Variants in AK9 observed in about 807,000 individuals in gnomAD.
The protein encoded by AK9 is adenylate kinase 9.
AK9 carries 191 observed loss-of-function variants against 239.6 expected under a neutral mutation model. The ratio of observed to expected loss-of-function variants is 0.80; its 90% CI spans 0.71 to 0.90. The LOEUF is 0.90. Ranked by LOEUF, AK9 falls within the 40% of genes least tolerant of loss-of-function variation. AK9 has a pLI of 0.00. For missense variants in AK9, 1,995 were observed against 2,214.7 expected (o/e 0.90, Z 1.99); for synonymous variants, 689 against 721.0 (o/e 0.96, Z 0.71).
At chr6:109,547,814 A>C (rs189294319) in intron 25 of AK9, among the ~76,000 whole-genome samples, 16 of 150,720 alleles carry the variant, frequency 1.1e-4, no homozygotes, top group Non-Finnish European at 1.8e-4. Context: ...ATTAATAACC[A>C]GAATATATAA....
chr6:109,578,701 A>C (rs1227837890), intron 20 of AK9, among the ~76,000 whole-genome samples: 1 of 151,990 alleles, frequency 6.6e-6, no homozygotes. Context: ...ACCTCTTTGG[A>C]CCACTTTTGC....
chr6:109,530,550 C>A (rs1034507174), intron 28 of AK9, among the ~76,000 whole-genome samples: 1 of 152,100 alleles, frequency 6.6e-6, no homozygotes, highest in African/African-American at 2.4e-5. Context: ...CACTGTATTA[C>A]CAAAAAATTG....
chr6:109,543,669 A>T (rs1783172092), intron 26 of AK9, among the ~76,000 whole-genome samples: 1 of 151,958 alleles, frequency 6.6e-6, no homozygotes, highest in Non-Finnish European at 1.5e-5. Flanking sequence ...GCTGGTCTTG[A>T]ACTCCTGACC....
rs1232837575 is a variant in AK9 at position 109,675,632 on chromosome 6, T to G, written c.114A>C (p.Lys38Asn). The change falls in exon 2 of 41, where the codon AAA becomes AAC. Residue 38 changes from lysine (K) to asparagine (N), a missense_variant. By Grantham distance (94) the Lys-to-Asn change is moderately conservative. Coordinates refer to ENST00000424296, the MANE Select transcript of AK9 (RefSeq NM_001145128.3). Reference sequence around the variant, plus strand: ...CAAATAATAAGAGATAACTTACTGGTTTCCCAAATACAACAAAGCAAACAG... The same window carrying G: ...CAAATAATAAGAGATAACTTACTGGGTTCCCAAATACAACAAAGCAAACAG... ...SKPVCFVVFG[K>N]PGVGKTTLAR... 1 of 1,504,526 alleles carries G rather than the reference T, an allele frequency of 6.6e-7. No homozygotes were observed. The highest frequency in any genetic ancestry group is 8.9e-7 in the Non-Finnish European group (1 of 1,121,594). The allele number at this position is 1,504,526 out of a possible 1,614,324, so 93.2% of individuals were successfully genotyped here.
intron 27 of AK9, among the ~76,000 whole-genome samples, chr6:109,538,434 CT>C (rs1417967618): frequency 6.6e-6 from 1 of 151,970 alleles, no homozygotes; most frequent in Admixed American, 6.6e-5. Context: ...CAACATCTGC[CT>C]TTTTTTGTTT....
At chr6:109,650,399 C>A (rs758664719) in intron 8 of AK9, among the ~76,000 whole-genome samples, 51 of 151,662 alleles carry the variant, frequency 3.4e-4, no homozygotes, top group African/African-American at 5.8e-4. Flanking sequence ...GAAAAAAAAA[C>A]CCCATCAAAA....
intron 17 of AK9, among the ~76,000 whole-genome samples, chr6:109,593,146 T>C (rs1790517274): frequency 6.6e-6 from 1 of 152,090 alleles, no homozygotes. Context: ...TGTGCTGGGC[T>C]ATTGTTAAAG....
chr6:109,647,383 G>A (rs1798214459), intron 8 of AK9, among the ~76,000 whole-genome samples: 2 of 152,132 alleles, frequency 1.3e-5, no homozygotes, highest in South Asian at 2.1e-4. Context: ...AAAATAAAGG[G>A]ATGGAGGAAG....
At position 109,625,818 on chromosome 6, in the gene AK9, T is replaced by C. The variant is rs558400051; in HGVS notation, c.1255-6582A>G. Among the ~76,000 whole-genome samples the C allele has an allele frequency of 8.5e-5, 13 of 152,308 alleles. No homozygotes were observed. The East Asian group carries it at 9.6e-4, about 11-fold the overall frequency. On this transcript the variant is annotated intron_variant, in intron 12 of 40. Coordinates refer to ENST00000424296, the MANE Select transcript of AK9 (RefSeq NM_001145128.3). ...TGGTTTTCCTTGTATTTATCCTGTTTGGGGCTTGCTGAGCTTCTTGGACCT... is the reference window on the plus strand; with the variant it reads ...TGGTTTTCCTTGTATTTATCCTGTTCGGGGCTTGCTGAGCTTCTTGGACCT...
chr6:109,497,542 A>G lies in AK9; in HGVS notation c.5238T>C (p.Gly1746=). ...GNQRYEALVP[G]SINYALEYHN... ...GATATTCTAAAGCATAGTTAATGCT[A>G]CCAGGTACTAGAGCTTCATATCTGG... is the stretch of plus-strand genomic sequence containing the variant. The change falls in exon 38 of 41, where the codon GGT becomes GGC. Residue 1746 remains glycine (G), a synonymous_variant. Coordinates refer to ENST00000424296, the MANE Select transcript of AK9 (RefSeq NM_001145128.3). 2 of 1,607,086 alleles carry G rather than the reference A, an allele frequency of 1.2e-6. No homozygotes were observed. Among genetic ancestry groups the G allele is most frequent in the Non-Finnish European group, 1.7e-6 (2 of 1,174,128 alleles).
chr6:109,608,930 G>A (rs1793252990), intron 17 of AK9, among the ~76,000 whole-genome samples: 1 of 152,024 alleles, frequency 6.6e-6, no homozygotes, highest in African/African-American at 2.4e-5. Context: ...CATCTCAAAG[G>A]AGCATATCTC....
intron 12 of AK9, among the ~76,000 whole-genome samples, chr6:109,619,566 T>C (rs1486396629): frequency 6.6e-6 from 1 of 152,120 alleles, no homozygotes; most frequent in Non-Finnish European, 1.5e-5. Flanking sequence ...ATAACTTACA[T>C]ACAATAAAAG....
chr6:109,632,212 G>A (rs894764061), intron 12 of AK9: 10 of 985,304 alleles, frequency 1.0e-5, no homozygotes, highest in South Asian at 4.7e-5. Flanking sequence ...ATACTCCGGC[G>A]CTTAAAAGAA....
In AK9 at chr6:109,654,704, A is replaced by G. The variant is rs184515817; in HGVS notation, c.759+2052T>C. Among the ~76,000 whole-genome samples the G allele has an allele frequency of 5.3e-5, 8 of 152,328 alleles. No homozygotes were observed. The South Asian group carries it at 8.3e-4, about 16-fold the overall frequency. ...TGAACTACTAAGTTGGAGAGTATCAACACTCTTAAGGAAATGGATACCTGC... is the reference window on the plus strand; with the variant it reads ...TGAACTACTAAGTTGGAGAGTATCAGCACTCTTAAGGAAATGGATACCTGC... On this transcript the variant is annotated intron_variant, in intron 8 of 40. Transcript: ENST00000424296.
rs942242973 is a variant in AK9 at position 109,563,658 on chromosome 6, G to A, written c.2690C>T (p.Thr897Ile). ...ELTGEDYEEE[T>I]EDYQTEAEVD... ...CTCTGCTTCAGTCTGGTAGTCTTCT[G>A]TTTCTTCCTCATAATCTTCCCCAGT... is the stretch of plus-strand genomic sequence containing the variant. Residue 897 changes from threonine to isoleucine, a missense_variant, in exon 24 of 41, where the codon ACA becomes ATA. This residue lies in a region of AK9 where 1,290 missense variants were observed against 1,392.7 expected (regional missense o/e 0.93). Transcript: ENST00000424296. 4.5e-6 allele frequency: 7 copies of A among 1,550,440 alleles called. No homozygotes were observed. Among genetic ancestry groups the A allele is most frequent in the Middle Eastern group, 1.7e-4 (1 of 5,996 alleles).
intron 21 of AK9, among the ~76,000 whole-genome samples, chr6:109,567,008 C>T (rs1406721930): frequency 6.6e-6 from 1 of 151,972 alleles, no homozygotes; most frequent in Non-Finnish European, 1.5e-5. Flanking sequence ...CCTATCATCA[C>T]AATGAAAAGA....
chr6:109,528,818 G>GGGTCAGCCTTGAAAAGC, intron 29 of AK9, 193 bp downstream of exon 29: 15 of 910,230 alleles, frequency 1.6e-5, no homozygotes, highest in Non-Finnish European at 2.5e-5. Flanking sequence ...TGTTACAAGA[G>GGGTCAGCCTTGAAAAGC]TGTCTTAAGC....
At chr6:109,590,746 T>A (rs983182361) in intron 17 of AK9, among the ~76,000 whole-genome samples, 2 of 152,180 alleles carry the variant, frequency 1.3e-5, no homozygotes, top group African/African-American at 2.4e-5. Context: ...TTCAAAACTT[T>A]AAAAAATTTC....
At position 109,533,827 on chromosome 6, in the gene AK9, A is replaced by G. The variant is rs981974927; in HGVS notation, c.3351-357T>C. ...ATAAAATTGTAGTCAATCAGTTTAC[A>G]GACAATTACTATTAACTGAAAGTTT... On this transcript the variant is annotated intron_variant, in intron 27 of 40. Transcript: ENST00000424296. 3.3e-5 allele frequency among the ~76,000 whole-genome samples: 5 copies of G among 152,206 alleles called. 1 individual carries two copies. Among genetic ancestry groups the G allele is most frequent in the Non-Finnish European group, 1.5e-5 (1 of 68,032 alleles).
Sources: gnomAD v4.1 joint callset for allele counts (sites outside exome capture counted in the v4.1 genomes callset) on GRCh38, gnomAD v4.1.1 for gene constraint, gnomAD v4.1.1 regional missense constraint, MANE v1.5 for transcripts, NCBI Gene and HGNC (gene_info 2026-07-23, HGNC 2026-07-21) for gene names.